Variants in PAX3 observed in about 807,000 individuals in gnomAD.
PAX3 encodes the protein paired box protein Pax-3.
PAX3 carries 14 observed loss-of-function variants against 51.6 expected under a neutral mutation model. The observed-to-expected ratio is 0.27, with a 90% CI of 0.18 to 0.42. The LOEUF (loss-of-function observed/expected upper bound fraction) is 0.42. PAX3 is among the 10% of genes least tolerant of loss of function. The probability of loss-of-function intolerance (pLI) is 1.00; values close to 1 mark genes in which losing one functional copy is unlikely to be tolerated. For synonymous variants in PAX3, 280 were observed against 253.4 expected, an observed-to-expected ratio of 1.11 and a Z score of -1.00; for missense variants, 540 against 642.8, an observed-to-expected ratio of 0.84 and a Z score of 1.73.
chr2:222,251,858 T>C (rs1033360791), intron 4 of PAX3, among the ~76,000 whole-genome samples: 4 of 152,130 alleles, frequency 2.6e-5, no homozygotes, highest in African/African-American at 9.7e-5. Flanking sequence ...TTCTTACCCA[T>C]CACAATTTCA....
chr2:222,240,660 A>T (rs1692977895), intron 4 of PAX3, among the ~76,000 whole-genome samples: 1 of 152,182 alleles, frequency 6.6e-6, no homozygotes. Context: ...AATACCCACC[A>T]ACCCGTACCT....
chr2:222,243,020 T>C (rs1693077324), intron 4 of PAX3, among the ~76,000 whole-genome samples: 1 of 152,198 alleles, frequency 6.6e-6, no homozygotes, highest in South Asian at 2.1e-4. Flanking sequence ...GAGAGCCTCT[T>C]GGAGCAGGTA....
intron 4 of PAX3, among the ~76,000 whole-genome samples, chr2:222,250,811 AAATTTCTCT>A (rs1428972203): frequency 6.6e-6 from 1 of 152,204 alleles, no homozygotes; most frequent in Non-Finnish European, 1.5e-5. Flanking sequence ...ATTAGAAACT[AAATTTCTCT>A]ACATTTCTTC....
At chr2:222,251,350 C>T (rs1455984356) in intron 4 of PAX3, among the ~76,000 whole-genome samples, 8 of 151,874 alleles carry the variant, frequency 5.3e-5, no homozygotes, top group South Asian at 2.1e-4. Context: ...TGAGAACATG[C>T]GGTATTTGGT....
chr2:222,245,855 C>G (rs1420650968), intron 4 of PAX3, among the ~76,000 whole-genome samples: 1 of 151,546 alleles, frequency 6.6e-6, no homozygotes, highest in African/African-American at 2.4e-5. Context: ...GTGGGGCACA[C>G]CTGTAATCCC....
At position 222,202,194 on chromosome 2, in the gene PAX3, A is replaced by G. The variant is rs1460993540; in HGVS notation, c.1174-4T>C. On this transcript the variant is annotated splice_region_variant and splice_polypyrimidine_tract_variant and intron_variant, in intron 7 of 8. Transcript: ENST00000392070. Reference sequence around the variant, plus strand: ...GGTTGGTCAGGAGTCCCATTACCTAAAAAAACAGCCAGATTGGGAAGAGGT... The same window carrying G: ...GGTTGGTCAGGAGTCCCATTACCTAGAAAAACAGCCAGATTGGGAAGAGGT... The G allele has an allele frequency of 1.3e-6, 2 of 1,579,026 alleles. No homozygotes were observed. The highest frequency in any genetic ancestry group is 2.7e-5 in the African/African-American group (2 of 74,132).
chr2:222,250,946 G>T (rs1412372540), intron 4 of PAX3, among the ~76,000 whole-genome samples: 1 of 151,976 alleles, frequency 6.6e-6, no homozygotes, highest in Admixed American at 6.6e-5. Flanking sequence ...ACTGCTCCTG[G>T]ATTATAAACA....
chr2:222,239,064 CT>C (rs1403024115), intron 4 of PAX3, among the ~76,000 whole-genome samples: 1 of 152,212 alleles, frequency 6.6e-6, no homozygotes, highest in African/African-American at 2.4e-5. Context: ...TGAAGCAAGA[CT>C]GATATTCCTT....
intron 6 of PAX3, among the ~76,000 whole-genome samples, chr2:222,220,992 T>C (rs1342176601): frequency 1.3e-5 from 2 of 152,236 alleles, no homozygotes; most frequent in Non-Finnish European, 2.9e-5. Flanking sequence ...GTTAATTTGT[T>C]TTAAAATACT....
rs371304873 is a variant in PAX3 at position 222,278,882 on chromosome 2, C to G, written c.586+15285G>C. ...GCTCTCAGCGTCCTTTAGAAAAGAG[C>G]AAATACTTTCCATTTAACCAGTTAA... is the stretch of plus-strand genomic sequence containing the variant. On this transcript the variant is annotated intron_variant, in intron 4 of 8. Transcript: ENST00000392070. Among the ~76,000 whole-genome samples, 273 of 152,324 alleles carry G rather than the reference C, an allele frequency of 1.8e-3. 1 individual carries two copies. Among genetic ancestry groups the G allele is most frequent in the African/African-American group, 6.3e-3 (260 of 41,560 alleles).
At chr2:222,210,645 A>T (rs1050549770) in intron 7 of PAX3, among the ~76,000 whole-genome samples, 5 of 152,128 alleles carry the variant, frequency 3.3e-5, no homozygotes, top group African/African-American at 1.2e-4. Flanking sequence ...AAATAAATTG[A>T]TCTTAGTACA....
intron 4 of PAX3, among the ~76,000 whole-genome samples, chr2:222,258,028 T>C (rs1180133812): frequency 3.9e-5 from 6 of 152,258 alleles, no homozygotes; most frequent in Non-Finnish European, 4.4e-5. Flanking sequence ...CACCCTTCCA[T>C]TCTAAAACTT....
At chr2:222,257,613 A>T (rs1449299759) in intron 4 of PAX3, among the ~76,000 whole-genome samples, 1 of 152,246 alleles carries the variant, frequency 6.6e-6, no homozygotes, top group Non-Finnish European at 1.5e-5. Flanking sequence ...GTCTCCATTC[A>T]TCTTTTCAAA....
chr2:222,277,073 C>A (rs1318719727), intron 4 of PAX3, among the ~76,000 whole-genome samples: 1 of 152,210 alleles, frequency 6.6e-6, no homozygotes, highest in African/African-American at 2.4e-5. Flanking sequence ...TCTCTCCCCA[C>A]CTCTGCTGAA....
intron 4 of PAX3, among the ~76,000 whole-genome samples, chr2:222,240,347 C>T (rs550848478): frequency 2.6e-4 from 40 of 152,338 alleles, no homozygotes; most frequent in African/African-American, 8.9e-4. Flanking sequence ...AGCCCCCCAA[C>T]ATCCTAAGCT....
At position 222,218,161 on chromosome 2, in the gene PAX3, A is replaced by G. The variant is rs888464940; in HGVS notation, c.1173+1979T>C. Reference sequence around the variant, plus strand: ...TTACCATAATATGTAAGATATAGTAAAGAAATACAGGAAAAATGCCTATGG... The same window carrying G: ...TTACCATAATATGTAAGATATAGTAGAGAAATACAGGAAAAATGCCTATGG... On this transcript the variant is annotated intron_variant, in intron 7 of 8. Coordinates refer to ENST00000392070, the MANE Select transcript of PAX3 (RefSeq NM_181458.4). 3.9e-5 allele frequency among the ~76,000 whole-genome samples: 6 copies of G among 152,324 alleles called. No individual in the cohort carries two copies. The East Asian group carries it at 1.2e-3, about 29-fold the overall frequency.
intron 5 of PAX3, among the ~76,000 whole-genome samples, chr2:222,229,742 A>G (rs1406118705): frequency 6.6e-6 from 1 of 152,180 alleles, no homozygotes; most frequent in African/African-American, 2.4e-5. Context: ...TCCCAATATG[A>G]CTAGAGTGAA....
intron 4 of PAX3, among the ~76,000 whole-genome samples, chr2:222,279,422 C>T (rs1489735497): frequency 6.6e-6 from 1 of 152,128 alleles, no homozygotes; most frequent in Non-Finnish European, 1.5e-5. Flanking sequence ...AGACTGACTT[C>T]ACTCTTTTCA....
intron 4 of PAX3, among the ~76,000 whole-genome samples, chr2:222,279,507 G>A (rs1046557542): frequency 1.3e-5 from 2 of 152,292 alleles, no homozygotes; most frequent in Non-Finnish European, 2.9e-5. Context: ...GGTAGAGGAG[G>A]GTTAGGTGGT....
Sources: gnomAD v4.1 joint callset for allele counts (sites outside exome capture counted in the v4.1 genomes callset) on GRCh38, gnomAD v4.1.1 for gene constraint, MANE v1.5 for transcripts, NCBI Gene and HGNC (gene_info 2026-07-23, HGNC 2026-07-21) for gene names.